The following VWA3B variants were observed in gnomAD, a reference collection of about 807,000 sequenced individuals.
The protein encoded by VWA3B is von Willebrand factor A domain-containing protein 3B.
In VWA3B, 138 loss-of-function variants were observed where a neutral mutation model predicts 158.3. The ratio of observed to expected loss-of-function variants is 0.87; its 90% CI spans 0.76 to 1.00. VWA3B has a LOEUF of 1.00. Among genes scored for constraint, VWA3B ranks in the 50% least tolerant of loss-of-function variants. VWA3B has a pLI of 0.00. For synonymous variants in VWA3B, 596 were observed against 587.3 expected, an observed-to-expected ratio of 1.01 and a Z score of -0.21; for missense variants, 1,555 against 1,565.1, an observed-to-expected ratio of 0.99 and a Z score of 0.11.
chr2:98,141,431 C>T (rs985422879), intron 7 of VWA3B, among the ~76,000 whole-genome samples: 13 of 152,190 alleles, frequency 8.5e-5, no homozygotes, highest in African/African-American at 2.6e-4. Context: ...CAGTGCATTA[C>T]GTGGAGAGAG....
At chr2:98,219,852 A>G (rs752561262) in intron 14 of VWA3B, among the ~76,000 whole-genome samples, 1 of 152,180 alleles carries the variant, frequency 6.6e-6, no homozygotes, top group Admixed American at 6.5e-5. Context: ...AGCAGGATAT[A>G]AAATAGACTT....
At position 98,200,235 on chromosome 2, in the gene VWA3B, G is replaced by A. The variant is rs187124174; in HGVS notation, c.1737+5743G>A. Among the ~76,000 whole-genome samples, 135 of 152,074 alleles carry A rather than the reference G, an allele frequency of 8.9e-4. 2 individuals carry two copies. Among genetic ancestry groups the A allele is most frequent in the Non-Finnish European group, 1.3e-3 (91 of 67,978 alleles). On this transcript the variant is annotated intron_variant, in intron 12 of 27. Coordinates refer to ENST00000477737, the MANE Select transcript of VWA3B (RefSeq NM_144992.5). The stretch of plus-strand genomic sequence containing the variant: ...AAGATTGAGTTTCTTCAGGCTGGGC[G>A]CGGATATGGATAATAGCTGGAGTCA...
At chr2:98,244,759 A>G (rs981602193) in intron 19 of VWA3B, among the ~76,000 whole-genome samples, 1 of 152,200 alleles carries the variant, frequency 6.6e-6, no homozygotes, top group Admixed American at 6.5e-5. Flanking sequence ...ACATTTGTCT[A>G]TAAAGGAATT....
intron 7 of VWA3B, among the ~76,000 whole-genome samples, chr2:98,151,119 A>ATTT (rs112339447): frequency 6.9e-6 from 1 of 144,050 alleles, no homozygotes; most frequent in Non-Finnish European, 1.5e-5. Flanking sequence ...ACTAGTGCTA[A>ATTT]TTTTTTTTTT....
intron 12 of VWA3B, among the ~76,000 whole-genome samples, chr2:98,210,347 G>T (rs62154943): frequency 1.3e-5 from 2 of 152,064 alleles, no homozygotes; most frequent in Non-Finnish European, 2.9e-5. Context: ...TGCATCCTAC[G>T]CTGGGCATGA....
At chr2:98,245,674 TATA>T in intron 19 of VWA3B, 1 of 452,420 alleles carries the variant, frequency 2.2e-6, no homozygotes, top group Non-Finnish European at 4.4e-6. Flanking sequence ...GATGAAATGT[TATA>T]ATGTTGCTTA....
chr2:98,158,480 G>A (rs906863911), intron 7 of VWA3B, among the ~76,000 whole-genome samples: 3 of 152,200 alleles, frequency 2.0e-5, no homozygotes, highest in Admixed American at 6.5e-5. Flanking sequence ...AATTAGACTG[G>A]ACTCAAGGTC....
At chr2:98,232,901 A>C (rs1251063143) in intron 16 of VWA3B, among the ~76,000 whole-genome samples, 1 of 152,070 alleles carries the variant, frequency 6.6e-6, no homozygotes, top group Non-Finnish European at 1.5e-5. Flanking sequence ...AGCTTCCCCC[A>C]GTGTTGTCTC....
intron 21 of VWA3B, among the ~76,000 whole-genome samples, chr2:98,266,292 T>A (rs1457341506): frequency 6.6e-6 from 1 of 152,104 alleles, no homozygotes; most frequent in African/African-American, 2.4e-5. Context: ...GCACCATTTA[T>A]TAAATAGGGA....
rs376293883 is a variant in VWA3B at position 98,189,725 on chromosome 2, T to C, written c.1466+1596T>C. Among the ~76,000 whole-genome samples the C allele has an allele frequency of 2.6e-3, 390 of 152,326 alleles. 1 individual carries two copies. The highest frequency in any genetic ancestry group is 7.9e-3 in the African/African-American group (330 of 41,568). ...TCATTTCAGTTCTGTTTTTTCTTCATGTATTTTGAGGCTCTATTAATAGTT... is the reference window on the plus strand; with the variant it reads ...TCATTTCAGTTCTGTTTTTTCTTCACGTATTTTGAGGCTCTATTAATAGTT... On this transcript the variant is annotated intron_variant, in intron 10 of 27. Coordinates refer to ENST00000477737, the MANE Select transcript of VWA3B (RefSeq NM_144992.5).
intron 8 of VWA3B, among the ~76,000 whole-genome samples, chr2:98,176,246 C>T (rs1680005444): frequency 6.6e-6 from 1 of 151,002 alleles, no homozygotes; most frequent in Non-Finnish European, 1.5e-5. Flanking sequence ...CTTCTTTTCT[C>T]CCCTCCCTTC....
intron 14 of VWA3B, among the ~76,000 whole-genome samples, chr2:98,218,436 G>T (rs976635876): frequency 6.6e-6 from 1 of 152,142 alleles, no homozygotes; most frequent in African/African-American, 2.4e-5. Flanking sequence ...TTAGGAATCT[G>T]TGTTTTTAAC....
chr2:98,140,926 C>T (rs1049827396), intron 7 of VWA3B, among the ~76,000 whole-genome samples: 1 of 152,162 alleles, frequency 6.6e-6, no homozygotes, highest in Admixed American at 6.5e-5. Context: ...CTCAGTTTCC[C>T]CTGTCCACAG....
intron 6 of VWA3B, among the ~76,000 whole-genome samples, chr2:98,131,280 G>C (rs562411222): frequency 1.3e-5 from 2 of 152,252 alleles, no homozygotes; most frequent in African/African-American, 4.8e-5. Flanking sequence ...GCAAATGACG[G>C]CATTTCCTTC....
At chr2:98,263,325 G>C (rs1256046395) in intron 21 of VWA3B, among the ~76,000 whole-genome samples, 1 of 151,792 alleles carries the variant, frequency 6.6e-6, no homozygotes, top group Non-Finnish European at 1.5e-5. Flanking sequence ...GGACATTGTT[G>C]CCTTATTCCT....
rs746848617 is a variant in VWA3B, at chr2:98,162,904, T to C, written c.1042T>C (p.Cys348Arg). ...CGTTTGGCAAGAGATGGAGGAAGCC[T>C]GCAGCACGCTGGCCCAGATCCAGAG... Reference protein sequence around the residue: ...FLVWQEMEEACSTLAQIQRLV... With the variant: ...FLVWQEMEEARSTLAQIQRLV... The change falls in exon 8 of 28, where the codon TGC (cysteine) becomes CGC (arginine). Residue 348 changes from cysteine (C) to arginine (R), a missense_variant. Coordinates refer to ENST00000477737, the MANE Select transcript of VWA3B (RefSeq NM_144992.5). The C allele has an allele frequency of 2.5e-6, 4 of 1,614,028 alleles. No individual in the cohort carries two copies. The highest frequency in any genetic ancestry group is 3.3e-5 in the Admixed American group (2 of 60,032).
rs188625463 is a variant in VWA3B at position 98,109,139 on chromosome 2, T to C, written c.197-6513T>C. ...TTCCGAGTAGCTGGGATTATAGGCA[T>C]ACACCACCATGCCCAGCTAATTTTG... On this transcript the variant is annotated intron_variant, in intron 2 of 27. Transcript: ENST00000477737. Among the ~76,000 whole-genome samples, 348 of 152,062 alleles carry C rather than the reference T, an allele frequency of 2.3e-3. 2 individuals carry two copies. Among genetic ancestry groups the C allele is most frequent in the African/African-American group, 8.1e-3 (336 of 41,512 alleles).
chr2:98,278,525 G>T (rs1307323897), intron 22 of VWA3B, among the ~76,000 whole-genome samples: 1 of 151,524 alleles, frequency 6.6e-6, no homozygotes, highest in Non-Finnish European at 1.5e-5. Flanking sequence ...TATTGCTGAT[G>T]AAAGTGACTC....
At chr2:98,295,137 G>A (rs532353823) in intron 23 of VWA3B, among the ~76,000 whole-genome samples, 107 of 152,174 alleles carry the variant, frequency 7.0e-4, no homozygotes, top group Non-Finnish European at 1.2e-3. Context: ...GGAAACCTCC[G>A]AGACTGGAGG....
Sources: gnomAD v4.1 joint callset for allele counts (sites outside exome capture counted in the v4.1 genomes callset) on GRCh38, gnomAD v4.1.1 for gene constraint, MANE v1.5 for transcripts, NCBI Gene and HGNC (gene_info 2026-07-23, HGNC 2026-07-21) for gene names.